THSD1: variants seen among roughly 807,000 people sequenced by gnomAD.
THSD1 encodes the protein thrombospondin type-1 domain-containing protein 1.
A neutral mutation model predicts 46.3 loss-of-function variants in THSD1; 34 were observed. The ratio of observed to expected loss-of-function variants is 0.74; its 90% CI spans 0.56 to 0.98. THSD1 has a LOEUF of 0.98. Among genes scored for constraint, THSD1 ranks in the 50% least tolerant of loss-of-function variants. The probability of loss-of-function intolerance (pLI) is 0.00; values close to 1 mark genes in which losing one functional copy is unlikely to be tolerated. For missense variants in THSD1, 1,023 were observed against 1,058.3 expected (o/e 0.97, Z 0.46); for synonymous variants, 407 against 416.5 (o/e 0.98, Z 0.28).
intron 3 of THSD1, among the ~76,000 whole-genome samples, chr13:52,387,002 A>C (rs1303286241): frequency 6.6e-6 from 1 of 152,172 alleles, no homozygotes; most frequent in Non-Finnish European, 1.5e-5. Flanking sequence ...ACTTAGGAAC[A>C]CAGCACTTGC....
In THSD1 at chr13:52,378,260, A is replaced by C; in HGVS notation, c.1710T>G (p.Ala570=). Residue 570 remains alanine, a synonymous_variant, in exon 5 of 5, where the codon GCT becomes GCG. Transcript: ENST00000258613. ...TDTAIDAAPS[A]PLDLESPEEA... ...CTTCCGGGCTTTCCAAATCTAAGGG[A>C]GCGCTGGGGGCCGCATCAATGGCAG... is the stretch of plus-strand genomic sequence containing the variant. 6.2e-7 allele frequency: 1 copy of C among 1,614,126 alleles called. No homozygotes were observed. Among genetic ancestry groups the C allele is most frequent in the South Asian group, 1.1e-5 (1 of 91,074 alleles).
chr13:52,381,617 A>G lies in THSD1; in HGVS notation c.1181-2828T>C, dbSNP rs79179396. The stretch of plus-strand genomic sequence containing the variant: ...CTATTTACCTTTTTTCCACATAATC[A>G]GTGGGAGAACTGTCCTCCTATAAAA... On this transcript the variant is annotated intron_variant, in intron 4 of 4. Coordinates refer to ENST00000258613, the MANE Select transcript of THSD1 (RefSeq NM_018676.4). Among the ~76,000 whole-genome samples the G allele has an allele frequency of 2.0e-5, 3 of 152,290 alleles. No homozygotes were observed. The East Asian group carries it at 5.8e-4, about 29-fold the overall frequency.
At position 52,397,926 on chromosome 13, in the gene THSD1, G is replaced by A; in HGVS notation, c.327C>T (p.Asp109=). 1.2e-6 allele frequency: 2 copies of A among 1,614,240 alleles called. No homozygotes were observed. The highest frequency in any genetic ancestry group is 1.7e-6 in the Non-Finnish European group (2 of 1,180,048). The change falls in exon 3 of 5, where the codon GAC becomes GAT. Residue 109 remains aspartate (D), a synonymous_variant. Coordinates refer to ENST00000258613, the MANE Select transcript of THSD1 (RefSeq NM_018676.4). ...CCCACCAGGGGAATGGAGTGCTGTT[G>A]TCTGTTGCTTCTGGAGTCATTGTGA... ...YWFTMTPEAT[D]NSTPFPWWEK... is the part of the protein sequence containing the mutation.
chr13:52,399,651 G>C (rs1957838302), intron 2 of THSD1, among the ~76,000 whole-genome samples: 1 of 152,152 alleles, frequency 6.6e-6, no homozygotes, highest in Non-Finnish European at 1.5e-5. Flanking sequence ...ATAAAACTTG[G>C]ATGACTTGAA....
Position 52,386,047 on chromosome 13 carries a change from A to G in THSD1, c.1161T>C (p.Cys387=), listed in dbSNP as rs758995569. The change falls in exon 4 of 5, where the codon TGT becomes TGC. Residue 387 remains cysteine, a synonymous_variant. Transcript: ENST00000258613. ...ACCTACCAGCACACTCCTCCAGGGA[A>G]CACAGGGAGGCCTCCAAGGACATTC... ...CPGMSLEASL[C]SLEECAAFQP... is the part of the protein sequence containing the mutation. 6.2e-7 allele frequency: 1 copy of G among 1,613,298 alleles called. No homozygotes were observed. Among genetic ancestry groups the G allele is most frequent in the Non-Finnish European group, 8.5e-7 (1 of 1,179,532 alleles).
chr13:52,397,194 G>T, intron 3 of THSD1, 38 bp downstream of exon 3: 1 of 1,476,962 alleles, frequency 6.8e-7, no homozygotes. Flanking sequence ...TTACATGAAG[G>T]ATTTGATTTA....
chr13:52,389,018 T>C (rs1474097625), intron 3 of THSD1, among the ~76,000 whole-genome samples: 1 of 151,654 alleles, frequency 6.6e-6, no homozygotes, highest in Non-Finnish European at 1.5e-5. Context: ...TGGAGTGCAA[T>C]GGCGTGATCT....
rs551733947 is a variant in THSD1 at position 52,397,800 on chromosome 13, G to T, written c.453C>A (p.Thr151=). ...AEGTFQVGLF[T]SQPLCPFPVD... ...CAGGAAACGGGCACAGTGGTTGACT[G>T]GTAAATAGGCCCACTTGGAAGGTGC... Residue 151 remains threonine (T), a synonymous_variant, in exon 3 of 5, where the codon ACC becomes ACA. Transcript: ENST00000258613. The T allele has an allele frequency of 1.7e-5, 27 of 1,614,224 alleles. No homozygotes were observed. The South Asian group carries it at 2.5e-4, about 15-fold the overall frequency.
intron 3 of THSD1, among the ~76,000 whole-genome samples, chr13:52,394,158 G>A (rs762346156): frequency 5.9e-5 from 9 of 152,200 alleles, no homozygotes; most frequent in Non-Finnish European, 1.3e-4. Flanking sequence ...GACATGGAAT[G>A]GAAGCATCTG....
At chr13:52,403,938 ATTT>A (rs67802176) in intron 1 of THSD1, among the ~76,000 whole-genome samples, 55 of 63,912 alleles carry the variant, frequency 8.6e-4, no homozygotes, top group African/African-American at 4.1e-3. Flanking sequence ...CATTATTCAC[ATTT>A]TTTTTTTTTT....
Position 52,397,286 on chromosome 13 carries a change from T to C in THSD1, c.967A>G (p.Ser323Gly). The C allele has an allele frequency of 1.2e-6, 2 of 1,612,704 alleles. No individual in the cohort carries two copies. The highest frequency in any genetic ancestry group is 4.5e-5 in the East Asian group (2 of 44,878). ...NKYCFDFGIS[S>G]RSHFSAKEEC... ...TCCTTTGCAGAAAAATGGCTTCTGCTTGAAATGCCAAAGTCAAAGCAGTAC... is the reference window on the plus strand; with the variant it reads ...TCCTTTGCAGAAAAATGGCTTCTGCCTGAAATGCCAAAGTCAAAGCAGTAC... Residue 323 changes from serine to glycine, a missense_variant, in exon 3 of 5, where the codon AGC (serine) becomes GGC (glycine). Ser to Gly is a moderately conservative substitution (Grantham distance 56). Transcript: ENST00000258613.
At position 52,400,730 on chromosome 13, in the gene THSD1, C is replaced by T. The variant is rs1034497660; in HGVS notation, c.58+1813G>A. 7.2e-5 allele frequency among the ~76,000 whole-genome samples: 11 copies of T among 152,150 alleles called. 1 individual carries two copies. Among genetic ancestry groups the T allele is most frequent in the Non-Finnish European group, 1.2e-4 (8 of 67,984 alleles). ...GATAAAGCAGGGTAAAACAGATCTA[C>T]GACAATACCTACTTTTTTTATCAGT... On this transcript the variant is annotated intron_variant, in intron 2 of 4. Transcript: ENST00000258613.
At chr13:52,386,688 A>G (rs1957733130) in intron 3 of THSD1, among the ~76,000 whole-genome samples, 1 of 152,180 alleles carries the variant, frequency 6.6e-6, no homozygotes, top group Non-Finnish European at 1.5e-5. Flanking sequence ...GGCAGATGCA[A>G]GACCAGACAA....
intron 4 of THSD1, 126 bp downstream of exon 4, chr13:52,385,902 C>T (rs1422804756): frequency 2.5e-6 from 2 of 805,222 alleles, no homozygotes; most frequent in Non-Finnish European, 3.9e-6. Context: ...CAACCAACAG[C>T]AATCACAGAG....
intron 3 of THSD1, among the ~76,000 whole-genome samples, chr13:52,391,091 A>G (rs1252137872): frequency 6.6e-6 from 1 of 152,154 alleles, no homozygotes; most frequent in Admixed American, 6.5e-5. Context: ...CTTTGGCTGC[A>G]TTAGAAGTTT....
intron 4 of THSD1, among the ~76,000 whole-genome samples, chr13:52,383,348 T>G (rs1264782149): frequency 6.6e-6 from 1 of 152,214 alleles, no homozygotes; most frequent in Non-Finnish European, 1.5e-5. Flanking sequence ...ATTATACTAC[T>G]CTCTTGTTGA....
chr13:52,398,272 T>G, intron 2 of THSD1, 78 bp from the exon 3 acceptor site: 3 of 1,515,264 alleles, frequency 2.0e-6, no homozygotes, highest in Non-Finnish European at 2.6e-6. Flanking sequence ...GAAAACAGAA[T>G]TTTTAAATTT....
chr13:52,383,085 G>T (rs924773901), intron 4 of THSD1, among the ~76,000 whole-genome samples: 1 of 151,996 alleles, frequency 6.6e-6, no homozygotes, highest in Admixed American at 6.6e-5. Flanking sequence ...ATAGCAAGCT[G>T]TGGGTACATT....
intron 4 of THSD1, among the ~76,000 whole-genome samples, chr13:52,383,216 G>A (rs1037559761): frequency 2.0e-5 from 3 of 152,122 alleles, no homozygotes; most frequent in Non-Finnish European, 2.9e-5. Context: ...CACAGTCACA[G>A]CAACTTGCAT....
Sources: gnomAD v4.1 joint callset for allele counts (sites outside exome capture counted in the v4.1 genomes callset) on GRCh38, gnomAD v4.1.1 for gene constraint, MANE v1.5 for transcripts, NCBI Gene and HGNC (gene_info 2026-07-23, HGNC 2026-07-21) for gene names.